Variants in POPDC1 observed in about 807,000 individuals in gnomAD.
The protein encoded by POPDC1 is popeye domain-containing protein 1.
At chr6:105,106,591 C>G in the POPDC1 span, among the ~76,000 whole-genome samples, 67 of 152,292 alleles carry the variant, frequency 4.4e-4, no homozygotes, top group African/African-American at 1.6e-3. Context: ...CTCTCCTGGG[C>G]AGAACTGTTC....
At chr6:105,107,211 G>C in the POPDC1 span, among the ~76,000 whole-genome samples, 1 of 151,962 alleles carries the variant, frequency 6.6e-6, no homozygotes, top group African/African-American at 2.4e-5. Context: ...AACATGTTAA[G>C]TTTGTCTTTC....
At chr6:105,109,637 C>G in the POPDC1 span, among the ~76,000 whole-genome samples, 3 of 151,430 alleles carry the variant, frequency 2.0e-5, no homozygotes, top group Non-Finnish European at 2.9e-5. Context: ...ACTCAGAAGG[C>G]TGAGGCGGGA....
At chr6:105,133,356 A>G in the POPDC1 span, 1 of 1,610,308 alleles carries the variant, frequency 6.2e-7, no homozygotes, top group Non-Finnish European at 8.5e-7. Context: ...TCTTACCTAG[A>G]GTTAACATTC....
the POPDC1 span, among the ~76,000 whole-genome samples, chr6:105,108,485 AC>A: frequency 1.3e-5 from 2 of 152,204 alleles, no homozygotes; most frequent in Non-Finnish European, 2.9e-5. Context: ...CCACTCAGAG[AC>A]TTGAAGAAAA....
At chr6:105,111,681 G>C in the POPDC1 span, among the ~76,000 whole-genome samples, 1 of 152,116 alleles carries the variant, frequency 6.6e-6, no homozygotes, top group African/African-American at 2.4e-5. Flanking sequence ...ATTTGGAGTG[G>C]GAATACAGAA....
the POPDC1 span, among the ~76,000 whole-genome samples, chr6:105,130,298 A>C: frequency 6.6e-6 from 1 of 152,266 alleles, no homozygotes; most frequent in African/African-American, 2.4e-5. Flanking sequence ...AGCTGATTAA[A>C]CCATAATTTA....
chr6:105,122,309 C>T, the POPDC1 span, among the ~76,000 whole-genome samples: 1 of 152,164 alleles, frequency 6.6e-6, no homozygotes, highest in Non-Finnish European at 1.5e-5. Context: ...AAGCTGAACA[C>T]ATTTTCTTCA....
the POPDC1 span, among the ~76,000 whole-genome samples, chr6:105,120,079 G>GTTTC: frequency 4.5e-4 from 2 of 4,404 alleles, 1 homozygote; most frequent in Non-Finnish European, 1.7e-3. Context: ...CTAAAACGGT[G>GTTTC]AAACCCCGTC....
the POPDC1 span, among the ~76,000 whole-genome samples, chr6:105,132,462 G>A: frequency 3.9e-5 from 6 of 152,094 alleles, no homozygotes; most frequent in Non-Finnish European, 8.8e-5. Flanking sequence ...CACCTTCTCC[G>A]TGTCCCCCTG....
At chr6:105,124,644 G>A in the POPDC1 span, 97 of 1,600,598 alleles carry the variant, frequency 6.1e-5, no homozygotes, top group Non-Finnish European at 8.1e-5. Flanking sequence ...TCCTCGATAG[G>A]AGACCTTCAT....
At chr6:105,129,569 T>C in the POPDC1 span, 1 of 1,503,236 alleles carries the variant, frequency 6.7e-7, no homozygotes, top group South Asian at 1.2e-5. Flanking sequence ...CTTAATAAAT[T>C]TGATATCCTC....
At chr6:105,121,979 TG>T in the POPDC1 span, among the ~76,000 whole-genome samples, 1 of 152,224 alleles carries the variant, frequency 6.6e-6, no homozygotes, top group Admixed American at 6.5e-5. Flanking sequence ...TGATGGCTGA[TG>T]ATCAAGCGTC....
the POPDC1 span, chr6:105,124,759 T>A: frequency 1.2e-6 from 1 of 823,468 alleles, no homozygotes; most frequent in South Asian, 1.6e-5. Context: ...AGTACAGTTT[T>A]AAAAATTCCA....
chr6:105,101,182 G>C, the POPDC1 span: 1 of 1,613,076 alleles, frequency 6.2e-7, no homozygotes, highest in Non-Finnish European at 8.5e-7. Context: ...GTTTCATCTT[G>C]GCAGAGGCTC....
At chr6:105,133,573 T>C in the POPDC1 span, 1 of 1,573,012 alleles carries the variant, frequency 6.4e-7, no homozygotes, top group Non-Finnish European at 8.6e-7. Flanking sequence ...CTCTGTATAA[T>C]TCATTTTGAA....
the POPDC1 span, among the ~76,000 whole-genome samples, chr6:105,119,642 T>C: frequency 6.6e-6 from 1 of 152,174 alleles, no homozygotes; most frequent in Non-Finnish European, 1.5e-5. Flanking sequence ...TGTTCCTTCG[T>C]TGTGCAAAGA....
chr6:105,124,148 C>G, the POPDC1 span, among the ~76,000 whole-genome samples: 1 of 151,772 alleles, frequency 6.6e-6, no homozygotes, highest in Non-Finnish European at 1.5e-5. Flanking sequence ...TTTGGGAGGC[C>G]GAGGCAGGCA....
the POPDC1 span, among the ~76,000 whole-genome samples, chr6:105,118,923 C>T: frequency 1.3e-5 from 2 of 152,200 alleles, no homozygotes; most frequent in East Asian, 3.9e-4. Flanking sequence ...CTGGCATGTG[C>T]CTACAGTCCC....
the POPDC1 span, among the ~76,000 whole-genome samples, chr6:105,135,704 G>A: frequency 6.6e-6 from 1 of 151,898 alleles, no homozygotes; most frequent in Non-Finnish European, 1.5e-5. Flanking sequence ...TTTGACGCAC[G>A]ACACCTTATT....
Sources: allele counts gnomAD v4.1 joint callset (sites outside exome capture counted in the v4.1 genomes callset), GRCh38; gene constraint gnomAD v4.1.1; transcripts MANE v1.5; gene names NCBI Gene and HGNC (gene_info 2026-07-23, HGNC 2026-07-21).